NOA1: variants seen among roughly 807,000 people sequenced by gnomAD.
NOA1 encodes nitric oxide associated 1.
NOA1 carries 35 observed loss-of-function variants against 58.4 expected under a neutral mutation model. The observed-to-expected ratio is 0.60, with a 90% CI of 0.46 to 0.79. The LOEUF (loss-of-function observed/expected upper bound fraction) is 0.79, where lower values mean the gene tolerates loss of function less well. Among genes scored for constraint, NOA1 ranks in the 30% least tolerant of loss-of-function variants. NOA1 has a pLI of 0.00. For missense variants in NOA1, 895 were observed against 894.6 expected (o/e 1.00, Z -0.01); for synonymous variants, 397 against 373.4 (o/e 1.06, Z -0.73).
At chr4:56,966,030 T>C (rs1272409183) in intron 5 of NOA1, among the ~76,000 whole-genome samples, 1 of 141,650 alleles carries the variant, frequency 7.1e-6, no homozygotes, top group Non-Finnish European at 1.5e-5. Context: ...TTTTTTTTTT[T>C]TTTTTTTTTT....
intron 4 of NOA1, among the ~76,000 whole-genome samples, chr4:56,967,452 C>T (rs573853137): frequency 2.0e-4 from 30 of 149,678 alleles, no homozygotes; most frequent in East Asian, 7.8e-4. Context: ...CCTCCCAAAA[C>T]GAAATATATA....
In NOA1 at chr4:56,965,549, A is replaced by C. The variant is rs574917152; in HGVS notation, c.1765-1023T>G. 3.3e-5 allele frequency among the ~76,000 whole-genome samples: 5 copies of C among 152,338 alleles called. No homozygotes were observed. The South Asian group carries it at 1.0e-3, about 32-fold the overall frequency. On this transcript the variant is annotated intron_variant, in intron 5 of 6. Transcript: ENST00000264230. ...AGTAAAGAAGCTATATATATATAAC[A>C]AAAACAAGCAATATATGAGCAATAT...
Position 56,977,241 on chromosome 4 carries a change from T to G in NOA1, c.345A>C (p.Gln115His). 6.3e-7 allele frequency: 1 copy of G among 1,598,488 alleles called. No homozygotes were observed. The highest frequency in any genetic ancestry group is 8.5e-7 in the Non-Finnish European group (1 of 1,173,658). ...GCTCCCGGGACCTGGCCCGTAGGTT[T>G]TGCTGTCGCCGCTCCTCCCGCCGCT... Reference protein sequence around the residue: ...RQQRREERRQQNLRARSREHP... With the variant: ...RQQRREERRQHNLRARSREHP... The change falls in exon 1 of 7, where the codon CAA (glutamine) becomes CAC (histidine). Residue 115 changes from glutamine to histidine, a missense_variant. This residue lies in a region of NOA1 where 680 missense variants were observed against 656.5 expected (regional missense o/e 1.04). Coordinates refer to ENST00000264230, the MANE Select transcript of NOA1 (RefSeq NM_032313.4).
intron 5 of NOA1, among the ~76,000 whole-genome samples, chr4:56,966,408 A>G (rs916913839): frequency 2.0e-5 from 3 of 151,810 alleles, no homozygotes; most frequent in African/African-American, 7.3e-5. Flanking sequence ...AGTGTAGTCT[A>G]GAGAAAAAAA....
rs1721839319 is a variant in NOA1, at chr4:56,973,166, T to A, written c.1497A>T (p.Gly499=). Residue 499 remains glycine, a synonymous_variant, in exon 3 of 7, where the codon GGA becomes GGT. Transcript: ENST00000264230. ...TACATACACAATTTTCTTTTGTAAT[T>A]CCAGGGGTGTCATAAAACCAGTGGG... ...KDAHWFYDTP[G]ITKENCILNL... 6.2e-7 allele frequency: 1 copy of A among 1,613,972 alleles called. No individual in the cohort carries two copies. Among genetic ancestry groups the A allele is most frequent in the African/African-American group, 1.3e-5 (1 of 74,926 alleles).
Position 56,976,561 on chromosome 4 carries a change from T to C in NOA1, c.1025A>G (p.Tyr342Cys), listed in dbSNP as rs745568071. Residue 342 changes from tyrosine to cysteine, a missense_variant, in exon 1 of 7, where the codon TAC (tyrosine) becomes TGC (cysteine). By Grantham distance (194) the Tyr-to-Cys change is radical (BLOSUM62 -2). Coordinates refer to ENST00000264230, the MANE Select transcript of NOA1 (RefSeq NM_032313.4). Reference protein sequence around the residue: ...QRSWRYRGDVYLVGATNAGKS... With the variant: ...QRSWRYRGDVCLVGATNAGKS... ...GCCGGCGTTGGTGGCGCCCACTAAG[T>C]AGACGTCCCCACGGTAGCGCCAGGA... 7.4e-6 allele frequency: 12 copies of C among 1,614,090 alleles called. No homozygotes were observed. Among genetic ancestry groups the C allele is most frequent in the Middle Eastern group, 1.6e-4 (1 of 6,084 alleles).
chr4:56,967,445 C>G (rs1195306499), intron 4 of NOA1, among the ~76,000 whole-genome samples: 3 of 151,108 alleles, frequency 2.0e-5, no homozygotes, highest in African/African-American at 7.3e-5. Flanking sequence ...CCAACAACCT[C>G]CCAAAACGAA....
At position 56,973,049 on chromosome 4, in the gene NOA1, C is replaced by T. The variant is rs974039112; in HGVS notation, c.1515+99G>A. The T allele has an allele frequency of 3.9e-6, 4 of 1,020,676 alleles. No individual in the cohort carries two copies. The African/African-American group carries it at 4.7e-5, about 12-fold the overall frequency. 63.2% of individuals were successfully genotyped at this position (1,020,676 alleles called of 1,614,324 possible). A position where few individuals can be genotyped will look rare whatever the true frequency, so the allele number is the denominator to read the frequency against. ...TACACTCTTTCTCTATTGCAATTCC[C>T]CTGTCTTGATAAATTGGCTGTATCT... On this transcript the variant is annotated intron_variant, in intron 3 of 6. Coordinates refer to ENST00000264230, the MANE Select transcript of NOA1 (RefSeq NM_032313.4).
intron 5 of NOA1, among the ~76,000 whole-genome samples, chr4:56,964,843 T>A (rs1025716511): frequency 6.6e-6 from 1 of 152,158 alleles, no homozygotes; most frequent in Non-Finnish European, 1.5e-5. Flanking sequence ...CATAGATTAA[T>A]GTTGGGCAAT....
intron 3 of NOA1, among the ~76,000 whole-genome samples, chr4:56,969,874 G>A (rs542217111): frequency 2.4e-4 from 37 of 151,836 alleles, no homozygotes; most frequent in African/African-American, 8.2e-4. Flanking sequence ...TCTGCCTCCC[G>A]GGTTCAAGCA....
At chr4:56,964,547 T>C (rs1370100053) in intron 5 of NOA1, 21 bp from the exon 6 acceptor site, 2 of 1,609,176 alleles carry the variant, frequency 1.2e-6, no homozygotes, top group African/African-American at 1.3e-5. Flanking sequence ...AATAAAGATA[T>C]TTACAAGTTC....
At chr4:56,969,935 C>T (rs1252159192) in intron 3 of NOA1, among the ~76,000 whole-genome samples, 1 of 139,812 alleles carries the variant, frequency 7.2e-6, no homozygotes, top group Non-Finnish European at 1.6e-5. Context: ...CGTGCGCCAC[C>T]ATGCTTGGCT....
In NOA1 at chr4:56,968,325, T is replaced by C. The variant is rs200049035; in HGVS notation, c.1647+59A>G. 1,029 of 1,523,356 alleles carry C rather than the reference T, an allele frequency of 6.8e-4. 7 individuals carry two copies. Among genetic ancestry groups the C allele is most frequent in the South Asian group, 5.5e-3 (460 of 83,836 alleles). The allele number at this position is 1,523,356 out of a possible 1,614,324, so 94.4% of individuals were successfully genotyped here. A position where few individuals can be genotyped will look rare whatever the true frequency, so the allele number is the denominator to read the frequency against. On this transcript the variant is annotated intron_variant, in intron 4 of 6. Transcript: ENST00000264230. The stretch of plus-strand genomic sequence containing the variant: ...TGTCAGTCGTGTTCATACATCTGCT[T>C]CCTTAAAGTGAATCCCAATATTTTA...
At chr4:56,968,003 C>T (rs1389620851) in intron 4 of NOA1, among the ~76,000 whole-genome samples, 2 of 151,618 alleles carry the variant, frequency 1.3e-5, no homozygotes, top group African/African-American at 4.9e-5. Flanking sequence ...CTGCAGCCTC[C>T]GCCTCCCAGG....
intron 5 of NOA1, 80 bp from the exon 6 acceptor site, chr4:56,964,606 A>C (rs573098276): frequency 7.0e-7 from 1 of 1,431,934 alleles, no homozygotes; most frequent in Non-Finnish European, 9.7e-7. Flanking sequence ...CTGATAAGAT[A>C]ATTCTGTACA....
chr4:56,973,703 A>G (rs1369062272), intron 2 of NOA1, among the ~76,000 whole-genome samples, 155 bp downstream of exon 2: 2 of 152,196 alleles, frequency 1.3e-5, no homozygotes, highest in Non-Finnish European at 2.9e-5. Context: ...GTTTCCAAAC[A>G]GTAGCCTTAT....
intron 5 of NOA1, among the ~76,000 whole-genome samples, chr4:56,965,719 T>C (rs1480651795): frequency 7.5e-6 from 1 of 133,288 alleles, no homozygotes; most frequent in Non-Finnish European, 1.6e-5. Context: ...TGTGTGTGTG[T>C]GTGTGTGTAT....
Position 56,963,461 on chromosome 4 carries a change from T to C in NOA1, c.2086A>G (p.Ile696Val), listed in dbSNP as rs559327089. The C allele has an allele frequency of 6.2e-7, 1 of 1,614,020 alleles. No homozygotes were observed. Among genetic ancestry groups the C allele is most frequent in the South Asian group, 1.1e-5 (1 of 91,076 alleles). Reference sequence around the variant, plus strand: ...GAACAAGGTCGGTCTCATACATTTATCTTTCCTTTCTTCTTCCTCACGTTG... The same window carrying C: ...GAACAAGGTCGGTCTCATACATTTACCTTTCCTTTCTTCTTCCTCACGTTG... Reference protein sequence around the residue: ...MYNVRKKKGKINV With the variant: ...MYNVRKKKGKVNV The change falls in exon 7 of 7, where the codon ATA (isoleucine) becomes GTA (valine). Residue 696 changes from isoleucine (I) to valine (V), a missense_variant. Physicochemically the swap from Ile to Val is conservative, Grantham distance 29. Coordinates refer to ENST00000264230, the MANE Select transcript of NOA1 (RefSeq NM_032313.4).
In NOA1 at chr4:56,976,562, A is replaced by G; in HGVS notation, c.1024T>C (p.Tyr342His). Residue 342 changes from tyrosine to histidine, a missense_variant, in exon 1 of 7, where the codon TAC (tyrosine) becomes CAC (histidine). This residue lies in a region of NOA1 where 680 missense variants were observed against 656.5 expected (regional missense o/e 1.04). Coordinates refer to ENST00000264230, the MANE Select transcript of NOA1 (RefSeq NM_032313.4). ...QRSWRYRGDV[Y>H]LVGATNAGKS... ...CCGGCGTTGGTGGCGCCCACTAAGTAGACGTCCCCACGGTAGCGCCAGGAG... is the reference window on the plus strand; with the variant it reads ...CCGGCGTTGGTGGCGCCCACTAAGTGGACGTCCCCACGGTAGCGCCAGGAG... The G allele has an allele frequency of 1.9e-6, 3 of 1,614,224 alleles. No homozygotes were observed. Among genetic ancestry groups the G allele is most frequent in the Non-Finnish European group, 2.5e-6 (3 of 1,180,026 alleles).
Sources: gnomAD v4.1 joint callset for allele counts (sites outside exome capture counted in the v4.1 genomes callset) on GRCh38, gnomAD v4.1.1 for gene constraint, gnomAD v4.1.1 regional missense constraint, MANE v1.5 for transcripts, NCBI Gene and HGNC (gene_info 2026-07-23, HGNC 2026-07-21) for gene names.